The following CPA6 variants were observed in gnomAD, a reference collection of about 807,000 sequenced individuals.
CPA6 encodes the protein carboxypeptidase B.
A neutral mutation model predicts 63.3 loss-of-function variants in CPA6; 58 were observed. That is an observed-to-expected ratio of 0.92 (90% CI 0.74 to 1.14). The LOEUF (loss-of-function observed/expected upper bound fraction) is 1.14. CPA6 is among the 50% of genes most tolerant of loss of function. CPA6 has a pLI of 0.00. For synonymous variants in CPA6, 185 were observed against 179.0 expected, an observed-to-expected ratio of 1.03 and a Z score of -0.27; for missense variants, 565 against 526.6, an observed-to-expected ratio of 1.07 and a Z score of -0.71.
At chr8:67,692,006 GCAGTTGCCCATGCA>G (rs1778788873) in intron 1 of CPA6, among the ~76,000 whole-genome samples, 1 of 152,160 alleles carries the variant, frequency 6.6e-6, no homozygotes, top group African/African-American at 2.4e-5. Context: ...TTTTGTCCTG[GCAGTTGCCCATGCA>G]GAGATGAAAA....
At chr8:67,654,127 T>C (rs996886890) in intron 1 of CPA6, among the ~76,000 whole-genome samples, 2 of 152,222 alleles carry the variant, frequency 1.3e-5, no homozygotes, top group African/African-American at 2.4e-5. Context: ...TTTGATGTGC[T>C]GCTGGATTCC....
At chr8:67,607,169 C>CTCTTCT (rs1211819002) in intron 2 of CPA6, among the ~76,000 whole-genome samples, 367 of 28,358 alleles carry the variant, frequency 0.013, 21 homozygotes, top group Non-Finnish European at 0.015. Context: ...CTTCTTCTTC[C>CTCTTCT]TCTTCTTCTT....
At chr8:67,574,120 G>A (rs1050548499) in intron 2 of CPA6, among the ~76,000 whole-genome samples, 5 of 151,904 alleles carry the variant, frequency 3.3e-5, no homozygotes, top group Non-Finnish European at 7.4e-5. Context: ...GTTCATGACT[G>A]TGATCTCAGC....
At chr8:67,599,792 G>A (rs1814445017) in intron 2 of CPA6, among the ~76,000 whole-genome samples, 1 of 152,146 alleles carries the variant, frequency 6.6e-6, no homozygotes, top group African/African-American at 2.4e-5. Flanking sequence ...TGATACTTTG[G>A]AGGTTCTCAT....
intron 1 of CPA6, among the ~76,000 whole-genome samples, chr8:67,668,862 G>A (rs1816286351): frequency 6.6e-6 from 1 of 152,190 alleles, no homozygotes; most frequent in African/African-American, 2.4e-5. Context: ...CAGCAAAGGA[G>A]AGAAGAACAC....
At chr8:67,718,499 CCA>C (rs1223290570) in intron 1 of CPA6, among the ~76,000 whole-genome samples, 2 of 152,106 alleles carry the variant, frequency 1.3e-5, no homozygotes, top group Non-Finnish European at 2.9e-5. Context: ...CAGATAATCC[CCA>C]CACAGGCATT....
chr8:67,506,963 A>C, intron 5 of CPA6, 75 bp from the exon 6 acceptor site: 1 of 1,061,810 alleles, frequency 9.4e-7, no homozygotes, highest in Admixed American at 1.7e-5. Context: ...ATAAGGTTTC[A>C]GCATAATTCT....
intron 8 of CPA6, among the ~76,000 whole-genome samples, chr8:67,480,016 G>A (rs1811324195): frequency 6.6e-6 from 1 of 151,764 alleles, no homozygotes; most frequent in African/African-American, 2.4e-5. Flanking sequence ...TCGGAAAAGG[G>A]CATATATAGA....
At chr8:67,487,113 G>A (rs1334614007) in intron 6 of CPA6, among the ~76,000 whole-genome samples, 1 of 152,106 alleles carries the variant, frequency 6.6e-6, no homozygotes, top group Non-Finnish European at 1.5e-5. Context: ...GTGCAGGTTT[G>A]TTACATAGGT....
intron 4 of CPA6, among the ~76,000 whole-genome samples, chr8:67,510,539 T>G (rs1293102047): frequency 1.3e-5 from 2 of 152,218 alleles, no homozygotes; most frequent in Non-Finnish European, 2.9e-5. Context: ...TTCTATTGCT[T>G]CTAATTTTAA....
chr8:67,454,318 T>G (rs1810622774), intron 8 of CPA6, among the ~76,000 whole-genome samples: 1 of 152,194 alleles, frequency 6.6e-6, no homozygotes, highest in South Asian at 2.1e-4. Context: ...CCAAATCCCT[T>G]CTGGATTTTA....
intron 1 of CPA6, among the ~76,000 whole-genome samples, chr8:67,659,565 A>G (rs1469708005): frequency 6.6e-6 from 1 of 152,226 alleles, no homozygotes; most frequent in Non-Finnish European, 1.5e-5. Flanking sequence ...CTTTCTTCCA[A>G]TCTCTTTCAG....
intron 1 of CPA6, among the ~76,000 whole-genome samples, chr8:67,720,577 C>T (rs1817477239): frequency 1.3e-5 from 2 of 152,124 alleles, no homozygotes; most frequent in Admixed American, 6.5e-5. Context: ...GGGATGGGAT[C>T]CAGTGACGGA....
intron 6 of CPA6, among the ~76,000 whole-genome samples, chr8:67,485,628 G>A (rs1007871606): frequency 9.2e-5 from 14 of 152,230 alleles, no homozygotes; most frequent in East Asian, 1.9e-4. Context: ...CAGTTAGATC[G>A]AGTTTGGTAT....
chr8:67,598,176 C>T (rs1273909658), intron 2 of CPA6, among the ~76,000 whole-genome samples: 2 of 152,154 alleles, frequency 1.3e-5, no homozygotes. Context: ...GGCTACTTCA[C>T]ATTTTAGCTG....
At chr8:67,677,114 A>C (rs1816492063) in intron 1 of CPA6, among the ~76,000 whole-genome samples, 1 of 152,216 alleles carries the variant, frequency 6.6e-6, no homozygotes, top group Non-Finnish European at 1.5e-5. Flanking sequence ...GGAGTTGCAC[A>C]GGGTACAACC....
chr8:67,590,933 T>C (rs1425386281), intron 2 of CPA6, among the ~76,000 whole-genome samples: 5 of 152,250 alleles, frequency 3.3e-5, no homozygotes, highest in African/African-American at 1.2e-4. Flanking sequence ...CCATTGCTTT[T>C]GGTGTTTTAC....
At chr8:67,679,107 T>C (rs1816539672) in intron 1 of CPA6, among the ~76,000 whole-genome samples, 1 of 152,210 alleles carries the variant, frequency 6.6e-6, no homozygotes. Context: ...CTGGTAATGT[T>C]CTGTGGTTTG....
chr8:67,507,108 A>C (rs1346819123), intron 5 of CPA6, among the ~76,000 whole-genome samples: 1 of 152,180 alleles, frequency 6.6e-6, no homozygotes, highest in Non-Finnish European at 1.5e-5. Flanking sequence ...TAGAAAGTAC[A>C]AAAGGAAAAG....
Sources: gnomAD v4.1 joint callset for allele counts (sites outside exome capture counted in the v4.1 genomes callset) on GRCh38, gnomAD v4.1.1 for gene constraint, MANE v1.5 for transcripts, NCBI Gene and HGNC (gene_info 2026-07-23, HGNC 2026-07-21) for gene names.